Variants in CADM2 observed in about 807,000 individuals in gnomAD.
CADM2 encodes the protein cell adhesion molecule 2, also known as immunoglobulin superfamily member 4D.
A neutral mutation model predicts 49.8 loss-of-function variants in CADM2; 12 were observed. The ratio of observed to expected loss-of-function variants is 0.24; its 90% CI spans 0.15 to 0.39. The LOEUF is 0.39. CADM2 is among the 10% of genes least tolerant of loss of function. CADM2 has a pLI of 1.00. For synonymous variants in CADM2, 214 were observed against 175.4 expected (o/e 1.22, Z -1.74); for missense variants, 378 against 492.3 (o/e 0.77, Z 2.20).
intron 8 of CADM2, among the ~76,000 whole-genome samples, chr3:85,973,300 A>G (rs1433571769): frequency 6.6e-6 from 1 of 151,694 alleles, no homozygotes; most frequent in Non-Finnish European, 1.5e-5. Flanking sequence ...TTAGGAGTTC[A>G]GAAATGTAGT....
At chr3:85,450,167 T>C (rs946545295) in intron 1 of CADM2, among the ~76,000 whole-genome samples, 6 of 152,152 alleles carry the variant, frequency 3.9e-5, no homozygotes, top group Non-Finnish European at 8.8e-5. Context: ...AACCCTTGCA[T>C]ATTTGGACAG....
At chr3:85,152,130 T>G (rs977976294) in intron 1 of CADM2, among the ~76,000 whole-genome samples, 2 of 152,134 alleles carry the variant, frequency 1.3e-5, no homozygotes, top group Admixed American at 1.3e-4. Flanking sequence ...CCAGGGACCA[T>G]TTTCTGTATT....
intron 1 of CADM2, among the ~76,000 whole-genome samples, chr3:85,473,566 C>G (rs917152599): frequency 2.0e-5 from 3 of 152,034 alleles, no homozygotes; most frequent in African/African-American, 7.2e-5. Flanking sequence ...CATATTCAGA[C>G]AAATGACATT....
intron 1 of CADM2, among the ~76,000 whole-genome samples, chr3:85,584,883 A>C (rs2062893034): frequency 1.3e-5 from 2 of 152,038 alleles, no homozygotes; most frequent in Admixed American, 6.6e-5. Context: ...GTGGGAACTG[A>C]TAAAGATTTT....
chr3:84,996,476 G>C (rs2033184669), intron 1 of CADM2, among the ~76,000 whole-genome samples: 1 of 151,888 alleles, frequency 6.6e-6, no homozygotes, highest in Admixed American at 6.6e-5. Flanking sequence ...GCTATAAAAA[G>C]GGAAAACTAA....
At chr3:86,006,934 G>C (rs1016248108) in intron 8 of CADM2, among the ~76,000 whole-genome samples, 1 of 151,982 alleles carries the variant, frequency 6.6e-6, no homozygotes, top group Non-Finnish European at 1.5e-5. Flanking sequence ...CCAGCTACTC[G>C]GGAGGCTGAG....
chr3:85,398,208 C>T (rs2034894063), intron 1 of CADM2, among the ~76,000 whole-genome samples: 1 of 152,002 alleles, frequency 6.6e-6, no homozygotes, highest in Admixed American at 6.6e-5. Context: ...TTCCTGTGTC[C>T]AGGGGCTCTC....
chr3:85,969,819 G>C (rs1271562183), intron 8 of CADM2, among the ~76,000 whole-genome samples: 1 of 150,936 alleles, frequency 6.6e-6, no homozygotes, highest in Non-Finnish European at 1.5e-5. Context: ...ATTTAAATCT[G>C]TTTCTGTCTG....
intron 1 of CADM2, among the ~76,000 whole-genome samples, chr3:85,543,427 T>TGGGGGTGTGTGTGTGTGTGGGTGTGG (rs1553739554): frequency 4.0e-3 from 212 of 53,374 alleles, no homozygotes; most frequent in Non-Finnish European, 0.012. Flanking sequence ...CTAATGTGTG[T>TGGGGGTGTGTGTGTGTGTGGGTGTGG]GTGTGTGTGT....
chr3:85,387,391 G>A (rs1230642191), intron 1 of CADM2, among the ~76,000 whole-genome samples: 1 of 151,984 alleles, frequency 6.6e-6, no homozygotes, highest in Non-Finnish European at 1.5e-5. Context: ...CCTTCTTTTT[G>A]CTACCTAGAA....
chr3:85,457,110 G>C (rs1270894463), intron 1 of CADM2, among the ~76,000 whole-genome samples: 1 of 151,774 alleles, frequency 6.6e-6, no homozygotes, highest in Non-Finnish European at 1.5e-5. Flanking sequence ...AAAAGAAGAA[G>C]AAAAAAGAAA....
intron 1 of CADM2, among the ~76,000 whole-genome samples, chr3:85,282,465 T>C (rs955640204): frequency 6.7e-6 from 1 of 148,432 alleles, no homozygotes; most frequent in African/African-American, 2.5e-5. Context: ...AGAGACAGGG[T>C]TTCACTATGT....
At chr3:85,531,948 C>T (rs1324694056) in intron 1 of CADM2, among the ~76,000 whole-genome samples, 1 of 152,040 alleles carries the variant, frequency 6.6e-6, no homozygotes, top group African/African-American at 2.4e-5. Context: ...GAGGCCAAGG[C>T]GGGCAGTTCA....
chr3:86,063,170 A>G (rs1738895053), intron 8 of CADM2, among the ~76,000 whole-genome samples: 1 of 152,176 alleles, frequency 6.6e-6, no homozygotes, highest in African/African-American at 2.4e-5. Flanking sequence ...AAACCAAGGT[A>G]TCCAACTCAA....
chr3:86,031,266 G>A (rs1016881203), intron 8 of CADM2, among the ~76,000 whole-genome samples: 2 of 151,638 alleles, frequency 1.3e-5, no homozygotes, highest in African/African-American at 4.8e-5. Context: ...GATAACCAGG[G>A]TCATATCTTG....
intron 1 of CADM2, among the ~76,000 whole-genome samples, chr3:85,459,379 C>T (rs2038136648): frequency 6.6e-6 from 1 of 152,154 alleles, no homozygotes; most frequent in Admixed American, 6.6e-5. Context: ...TTAGGCCAGG[C>T]TCTACCCGAA....
chr3:85,195,165 G>A (rs2041311243), intron 1 of CADM2, among the ~76,000 whole-genome samples: 1 of 152,096 alleles, frequency 6.6e-6, no homozygotes, highest in South Asian at 2.1e-4. Flanking sequence ...GCAACATGAT[G>A]TATTGAGAAA....
rs114391341 is a variant in CADM2, at chr3:84,973,108, T to G, written c.61+13440T>G. Among the ~76,000 whole-genome samples, 1,364 of 152,270 alleles carry G rather than the reference T, an allele frequency of 9.0e-3. 20 individuals carry two copies. The highest frequency in any genetic ancestry group is 0.031 in the African/African-American group (1,274 of 41,548). ...TTCTATTTTTAGTAGAGACAGCATT[T>G]CTTCATGTTGATGATGCTGGTCTCG... On this transcript the variant is annotated intron_variant, in intron 1 of 9. Coordinates refer to ENST00000383699, the MANE Select transcript of CADM2 (RefSeq NM_001167675.2).
At chr3:85,588,910 T>C (rs993077557) in intron 1 of CADM2, among the ~76,000 whole-genome samples, 1 of 152,040 alleles carries the variant, frequency 6.6e-6, no homozygotes, top group African/African-American at 2.4e-5. Context: ...GTCCATTTCA[T>C]CCACTGCTGG....
Sources: allele counts gnomAD v4.1 joint callset (sites outside exome capture counted in the v4.1 genomes callset), GRCh38; gene constraint gnomAD v4.1.1; transcripts MANE v1.5; gene names NCBI Gene and HGNC (gene_info 2026-07-23, HGNC 2026-07-21).